The following SEPTIN11 variants were observed in gnomAD, a reference collection of about 807,000 sequenced individuals.
SEPTIN11 encodes septin-11.
A neutral mutation model predicts 51.4 loss-of-function variants in SEPTIN11; 25 were observed. The ratio of observed to expected loss-of-function variants is 0.49; its 90% CI spans 0.35 to 0.68. SEPTIN11 has a LOEUF of 0.68. Among genes scored for constraint, SEPTIN11 ranks in the 30% least tolerant of loss-of-function variants. The probability of loss-of-function intolerance (pLI) is 0.00; values close to 1 mark genes in which losing one functional copy is unlikely to be tolerated. For synonymous variants in SEPTIN11, 174 were observed against 184.1 expected, an observed-to-expected ratio of 0.95 and a Z score of 0.44; for missense variants, 381 against 520.8, an observed-to-expected ratio of 0.73 and a Z score of 2.61.
intron 7 of SEPTIN11, among the ~76,000 whole-genome samples, chr4:77,026,923 A>C (rs768731559): frequency 1.1e-4 from 16 of 152,176 alleles, no homozygotes; most frequent in Non-Finnish European, 2.2e-4. Flanking sequence ...CTTAAACTTG[A>C]AGTCCAACTA....
At chr4:77,016,609 T>TACACACAC (rs1218361317) in intron 5 of SEPTIN11, among the ~76,000 whole-genome samples, 1 of 46,308 alleles carries the variant, frequency 2.2e-5, no homozygotes, top group Non-Finnish European at 3.8e-5. Flanking sequence ...CATATATATA[T>TACACACAC]ATACACATAT....
intron 1 of SEPTIN11, among the ~76,000 whole-genome samples, chr4:76,967,448 A>C (rs1722078825): frequency 6.6e-6 from 1 of 152,196 alleles, no homozygotes; most frequent in Non-Finnish European, 1.5e-5. Context: ...CCAAAAAGGC[A>C]ACCCACATTC....
intron 1 of SEPTIN11, among the ~76,000 whole-genome samples, chr4:76,969,813 T>A (rs1453724328): frequency 6.6e-6 from 1 of 152,218 alleles, no homozygotes; most frequent in Non-Finnish European, 1.5e-5. Context: ...TTTCTAGCCC[T>A]TTTCTGACTA....
chr4:76,993,410 T>C (rs1723489161), intron 1 of SEPTIN11, among the ~76,000 whole-genome samples: 1 of 151,106 alleles, frequency 6.6e-6, no homozygotes, highest in Non-Finnish European at 1.5e-5. Flanking sequence ...GTTAACGACA[T>C]GGAATATATG....
At chr4:76,999,776 G>A (rs1166653472) in intron 2 of SEPTIN11, among the ~76,000 whole-genome samples, 1 of 152,154 alleles carries the variant, frequency 6.6e-6, no homozygotes, top group Non-Finnish European at 1.5e-5. Context: ...AATAGAGGAA[G>A]AATAGTTTTC....
chr4:76,995,495 A>C (rs544269430), intron 1 of SEPTIN11, among the ~76,000 whole-genome samples: 12 of 152,236 alleles, frequency 7.9e-5, no homozygotes, highest in Non-Finnish European at 1.2e-4. Context: ...TTGACAACAC[A>C]GCCAGAACAC....
At chr4:76,955,874 T>G (rs1345779811) in intron 1 of SEPTIN11, among the ~76,000 whole-genome samples, 1 of 152,156 alleles carries the variant, frequency 6.6e-6, no homozygotes, top group African/African-American at 2.4e-5. Flanking sequence ...GAACTAGAAG[T>G]TATTATTTTC....
At chr4:77,007,880 G>A (rs1724601181) in intron 3 of SEPTIN11, among the ~76,000 whole-genome samples, 1 of 152,152 alleles carries the variant, frequency 6.6e-6, no homozygotes, top group Non-Finnish European at 1.5e-5. Context: ...ACTGGAAGTG[G>A]GATATTCATT....
chr4:77,027,773 G>A (rs1726282982), intron 7 of SEPTIN11, among the ~76,000 whole-genome samples: 1 of 152,052 alleles, frequency 6.6e-6, no homozygotes, highest in Non-Finnish European at 1.5e-5. Flanking sequence ...TGCAGTGGGG[G>A]TGTATTTTCT....
chr4:76,960,481 A>G (rs1159889393), intron 1 of SEPTIN11, among the ~76,000 whole-genome samples: 1 of 152,176 alleles, frequency 6.6e-6, no homozygotes, highest in Non-Finnish European at 1.5e-5. Flanking sequence ...AAAATCACTA[A>G]TAATTAATTT....
At chr4:76,956,917 C>G (rs1049416311) in intron 1 of SEPTIN11, among the ~76,000 whole-genome samples, 1 of 151,460 alleles carries the variant, frequency 6.6e-6, no homozygotes, top group Admixed American at 6.6e-5. Flanking sequence ...GGATTTTTCT[C>G]CCTCTATTTG....
intron 1 of SEPTIN11, chr4:76,995,679 A>G (rs1723664197): frequency 2.8e-6 from 3 of 1,057,894 alleles, no homozygotes; most frequent in Non-Finnish European, 3.8e-6. Flanking sequence ...GGGGGCAGCC[A>G]GTACCATTTT....
intron 1 of SEPTIN11, among the ~76,000 whole-genome samples, chr4:76,963,520 G>C (rs1721904949): frequency 6.6e-6 from 1 of 152,194 alleles, no homozygotes; most frequent in Admixed American, 6.5e-5. Context: ...TACCACCCTA[G>C]GCTGCAGAAC....
At chr4:76,958,788 T>G in intron 1 of SEPTIN11, 1 of 961,958 alleles carries the variant, frequency 1.0e-6, no homozygotes, top group Non-Finnish European at 1.6e-6. Context: ...ATACTTTATG[T>G]TTTTTGTAAA....
At chr4:77,034,254 C>T (rs928690601) in intron 9 of SEPTIN11, among the ~76,000 whole-genome samples, 4 of 152,308 alleles carry the variant, frequency 2.6e-5, no homozygotes, top group Non-Finnish European at 4.4e-5. Context: ...CAAGAAGTCA[C>T]TTGTGAATTC....
chr4:76,973,268 A>G (rs1049927453), intron 1 of SEPTIN11, among the ~76,000 whole-genome samples: 3 of 152,206 alleles, frequency 2.0e-5, no homozygotes, highest in East Asian at 1.9e-4. Context: ...GCTACCCACC[A>G]GGATGACAGA....
chr4:76,989,996 G>A (rs115316005), intron 1 of SEPTIN11, among the ~76,000 whole-genome samples: 2,812 of 152,206 alleles, frequency 0.018, 93 homozygotes, highest in African/African-American at 0.064. Flanking sequence ...AGTGCGCAGC[G>A]GCAAGATTTA....
chr4:77,028,801 A>G (rs773797230), intron 8 of SEPTIN11, 40 bp downstream of exon 8: 2 of 1,579,286 alleles, frequency 1.3e-6, no homozygotes, highest in Non-Finnish European at 1.7e-6. Context: ...GATTTGTAAG[A>G]GAGAGATTTT....
At chr4:77,012,009 A>ATT in intron 4 of SEPTIN11, 88 bp downstream of exon 4, 8 of 1,128,444 alleles carry the variant, frequency 7.1e-6, no homozygotes, top group Admixed American at 2.5e-5. Flanking sequence ...TTTCAGTGTG[A>ATT]TTTTTTTTTT....
Sources: allele counts gnomAD v4.1 joint callset (sites outside exome capture counted in the v4.1 genomes callset), GRCh38; gene constraint gnomAD v4.1.1; transcripts MANE v1.5; gene names NCBI Gene and HGNC (gene_info 2026-07-23, HGNC 2026-07-21).